NEMF: variants seen among roughly 807,000 people sequenced by gnomAD.
NEMF encodes nuclear export mediator factor.
Under a neutral mutation model 162.2 loss-of-function variants are expected in NEMF, and 89 were observed. The observed-to-expected ratio is 0.55, with a 90% confidence interval of 0.46 to 0.65. The LOEUF is 0.65. Among genes scored for constraint, NEMF ranks in the 30% least tolerant of loss-of-function variants. NEMF has a pLI of 0.00. For synonymous variants in NEMF, 421 were observed against 404.5 expected, an observed-to-expected ratio of 1.04 and a Z score of -0.49; for missense variants, 1,133 against 1,261.9, an observed-to-expected ratio of 0.90 and a Z score of 1.55.
intron 6 of NEMF, among the ~76,000 whole-genome samples, chr14:49,836,509 CAGG>C (rs1892911412): frequency 6.6e-6 from 1 of 151,882 alleles, no homozygotes; most frequent in Admixed American, 6.6e-5. Context: ...AAAAATTAGC[CAGG>C]AGTTCATCCC....
chr14:49,789,325 C>G lies in NEMF; in HGVS notation c.2716G>C (p.Glu906Gln), dbSNP rs1566648337. 5 of 1,613,944 alleles carry G rather than the reference C, an allele frequency of 3.1e-6. No homozygotes were observed. Among genetic ancestry groups the G allele is most frequent in the Non-Finnish European group, 4.2e-6 (5 of 1,179,998 alleles). The change falls in exon 28 of 33, where the codon GAA (glutamate) becomes CAA (glutamine). Residue 906 changes from glutamate (E) to glutamine (Q), a missense_variant. By Grantham distance (29) the Glu-to-Gln change is conservative (BLOSUM62 2). This residue lies in a region of NEMF where 532 missense variants were observed against 578.6 expected (regional missense o/e 0.92). Coordinates refer to ENST00000298310, the MANE Select transcript of NEMF (RefSeq NM_004713.6). ...TTCTTCCCCTTCTTCCCTTTTTCTT[C>G]TTTGTTTGAACCTGCAGACTTTAAT... ...KLLGSAGSNK[E>Q]EKGKKGKKGK... is the part of the protein sequence containing the mutation.
chr14:49,851,483 C>A, intron 3 of NEMF, 80 bp downstream of exon 3: 2 of 914,134 alleles, frequency 2.2e-6, no homozygotes, highest in East Asian at 2.4e-5. Context: ...TTATTCGTAA[C>A]AGTGAAGGAA....
At chr14:49,850,141 C>T (rs1355696742) in intron 3 of NEMF, among the ~76,000 whole-genome samples, 5 of 152,002 alleles carry the variant, frequency 3.3e-5, no homozygotes, top group African/African-American at 9.7e-5. Context: ...CTCGCTCTGT[C>T]GCCCAGGCTG....
At chr14:49,849,581 AC>A (rs1479167594) in intron 3 of NEMF, 5 of 152,236 alleles carry the variant, frequency 3.3e-5, no homozygotes, top group African/African-American at 1.2e-4. Context: ...TTAGATTGAC[AC>A]GTACACCTAA....
intron 3 of NEMF, 35 bp downstream of exon 3, chr14:49,851,526 ATC>A: frequency 7.3e-7 from 1 of 1,370,248 alleles, no homozygotes; most frequent in Non-Finnish European, 1.0e-6. Flanking sequence ...TTAGTGAGCA[ATC>A]TCTTAAAATT....
At chr14:49,787,353 C>T (rs1244377315) in intron 28 of NEMF, among the ~76,000 whole-genome samples, 1 of 152,222 alleles carries the variant, frequency 6.6e-6, no homozygotes, top group Non-Finnish European at 1.5e-5. Flanking sequence ...AGCATCAAGG[C>T]ACCAGCAGAT....
chr14:49,809,513 A>G lies in NEMF; in HGVS notation c.1745-3380T>C, dbSNP rs538020520. On this transcript the variant is annotated intron_variant, in intron 18 of 32. Coordinates refer to ENST00000298310, the MANE Select transcript of NEMF (RefSeq NM_004713.6). ...AACCAAACTAAATCTGTATGATAAT[A>G]CAATGGCAGATACATGTTTTACACA... 2.6e-5 allele frequency among the ~76,000 whole-genome samples: 4 copies of G among 152,314 alleles called. No individual in the cohort carries two copies. The East Asian group carries it at 7.7e-4, about 29-fold the overall frequency.
intron 26 of NEMF, among the ~76,000 whole-genome samples, chr14:49,789,865 AAAGG>A (rs1371236450): frequency 1.3e-5 from 2 of 152,226 alleles, no homozygotes; most frequent in Non-Finnish European, 2.9e-5. Context: ...GCAAGTCTAA[AAAGG>A]AAGAGAACAG....
chr14:49,829,165 T>C lies in NEMF; in HGVS notation c.1121A>G (p.Asp374Gly). The change falls in exon 13 of 33, where the codon GAT (aspartate) becomes GGT (glycine). Residue 374 changes from aspartate (D) to glycine (G), a missense_variant. Transcript: ENST00000298310. Reference protein sequence around the residue: ...VVRSALANQIDWTEIGLIVKE... With the variant: ...VVRSALANQIGWTEIGLIVKE... ...CACAATTAACCCAATTTCTGTCCAA[T>C]CTATCTGGTTAGCTAAAGCACTTCG... The C allele has an allele frequency of 6.2e-7, 1 of 1,614,198 alleles. No individual in the cohort carries two copies. The highest frequency in any genetic ancestry group is 8.5e-7 in the Non-Finnish European group (1 of 1,180,016).
Position 49,784,689 on chromosome 14 carries a change from G to A in NEMF, c.3178C>T (p.Pro1060Ser). The A allele has an allele frequency of 1.2e-6, 2 of 1,612,670 alleles. No individual in the cohort carries two copies. Among genetic ancestry groups the A allele is most frequent in the Non-Finnish European group, 1.7e-6 (2 of 1,179,038 alleles). Reference protein sequence around the residue: ...VKDTDLSRNIPGKVKVSAPNL... With the variant: ...VKDTDLSRNISGKVKVSAPNL... ...GGTGCAGACACTTTCACTTTGCCAG[G>A]AATGTTTCTTGATAAATCTGTGTCC... Residue 1060 changes from proline to serine, a missense_variant, in exon 33 of 33, where the codon CCT (proline) becomes TCT (serine). By Grantham distance (74) the Pro-to-Ser change is moderately conservative. Transcript: ENST00000298310.
chr14:49,783,049 A>G lies in NEMF; in HGVS notation c.*1587T>C. The G allele has an allele frequency of 7.6e-7, 1 of 1,321,626 alleles. No individual in the cohort carries two copies. Among genetic ancestry groups the G allele is most frequent in the Non-Finnish European group, 1.0e-6 (1 of 967,784 alleles). The allele number at this position is 1,321,626 out of a possible 1,614,324, so 81.9% of individuals were successfully genotyped here. On this transcript the variant is annotated 3_prime_UTR_variant, in exon 33 of 33. Coordinates refer to ENST00000298310, the MANE Select transcript of NEMF (RefSeq NM_004713.6). ...TTTGTATAATTATATGCATTGTTGT[A>G]GTTTGCACCTGTTGGTTTTAATGTG...
At chr14:49,794,794 C>A (rs1371754498) in intron 26 of NEMF, among the ~76,000 whole-genome samples, 2 of 150,286 alleles carry the variant, frequency 1.3e-5, no homozygotes, top group African/African-American at 4.9e-5. Context: ...TCTTGGCTCA[C>A]TGCAACCTCC....
At chr14:49,806,228 A>ATG (rs1555346800) in intron 18 of NEMF, 95 bp from the exon 19 acceptor site, 2,850 of 142,370 alleles carry the variant, frequency 0.02, 153 homozygotes, top group East Asian at 0.042. Flanking sequence ...GGTCAATGAT[A>ATG]TGTGTATATA....
At position 49,834,367 on chromosome 14, in the gene NEMF, AGTTTC is replaced by A. The variant is rs1892793903; in HGVS notation, c.652_656del (p.Glu218Ter). 1 of 1,587,628 alleles carries A rather than the reference AGTTTC, an allele frequency of 6.3e-7. No homozygotes were observed. The highest frequency in any genetic ancestry group is 1.1e-5 in the South Asian group (1 of 90,494). On this transcript the variant is annotated frameshift_variant, in exon 7 of 33. Transcript: ENST00000298310. LOFTEE classifies it high-confidence loss of function. Reference sequence around the variant, plus strand: ...AAATGTACCATGCAGACATACCTTTAGTTTCAAGTTTTTCATCCACTTTGACATTA... The same window carrying A: ...AAATGTACCATGCAGACATACCTTTAAAGTTTTTCATCCACTTTGACATTA...
chr14:49,817,572 A>G (rs1259227423), intron 16 of NEMF, among the ~76,000 whole-genome samples: 1 of 151,790 alleles, frequency 6.6e-6, no homozygotes, highest in Non-Finnish European at 1.5e-5. Flanking sequence ...AAAGTTGATA[A>G]AAGACTCAAT....
intron 10 of NEMF, among the ~76,000 whole-genome samples, chr14:49,831,666 A>G (rs534335542): frequency 1.3e-5 from 2 of 152,212 alleles, no homozygotes; most frequent in East Asian, 1.9e-4. Context: ...TGAACTCCTG[A>G]CCTCAACTGA....
intron 11 of NEMF, among the ~76,000 whole-genome samples, chr14:49,829,896 C>T (rs1363526085): frequency 6.6e-6 from 1 of 152,124 alleles, no homozygotes; most frequent in Non-Finnish European, 1.5e-5. Context: ...TGAGCCACTG[C>T]ACCTGGCAGG....
In NEMF at chr14:49,782,835, G is replaced by C; in HGVS notation, c.*1801C>G. 6.2e-7 allele frequency: 1 copy of C among 1,613,578 alleles called. No homozygotes were observed. The highest frequency in any genetic ancestry group is 8.5e-7 in the Non-Finnish European group (1 of 1,179,812). On this transcript the variant is annotated 3_prime_UTR_variant, in exon 33 of 33. Transcript: ENST00000298310. ...CTTTCCTTGTCCACTTTCAGGCTAA[G>C]CTTAGAAGCAGTCATTTGCTTTAAA... is the stretch of plus-strand genomic sequence containing the variant.
intron 29 of NEMF, chr14:49,786,322 G>T: frequency 5.6e-6 from 1 of 180,070 alleles, no homozygotes; most frequent in African/African-American, 2.4e-5. Flanking sequence ...CTTATTTGCT[G>T]TGCTGCCTGT....
Sources: allele counts gnomAD v4.1 joint callset (sites outside exome capture counted in the v4.1 genomes callset), GRCh38; gene constraint gnomAD v4.1.1; regional missense constraint gnomAD v4.1.1; transcripts MANE v1.5; gene names NCBI Gene and HGNC (gene_info 2026-07-23, HGNC 2026-07-21).